MAML3: variants seen among roughly 807,000 people sequenced by gnomAD.
MAML3 encodes mastermind like transcriptional coactivator 3, also known as mastermind-like protein 3.
A neutral mutation model predicts 101.9 loss-of-function variants in MAML3; 27 were observed. The observed-to-expected ratio is 0.27, with a 90% CI of 0.20 to 0.37. The LOEUF (loss-of-function observed/expected upper bound fraction) is 0.37, where lower values mean the gene tolerates loss of function less well. MAML3 is among the 10% of genes least tolerant of loss of function. The probability of loss-of-function intolerance (pLI) is 1.00; values close to 1 mark genes in which losing one functional copy is unlikely to be tolerated. For missense variants in MAML3, 1,316 were observed against 1,444.9 expected (o/e 0.91, Z 1.45); for synonymous variants, 501 against 555.9 (o/e 0.90, Z 1.39).
chr4:139,756,251 G>A (rs115433025), intron 2 of MAML3, among the ~76,000 whole-genome samples: 267 of 152,258 alleles, frequency 1.8e-3, no homozygotes, highest in African/African-American at 5.2e-3. Context: ...TGAAAATGTT[G>A]ATGATTTTGA....
At chr4:140,064,688 A>G (rs1325935316) in intron 1 of MAML3, among the ~76,000 whole-genome samples, 2 of 152,152 alleles carry the variant, frequency 1.3e-5, no homozygotes, top group Non-Finnish European at 1.5e-5. Flanking sequence ...CCAATATTTA[A>G]CAGTAGAGTG....
At chr4:139,732,029 T>C (rs573748231) in intron 2 of MAML3, among the ~76,000 whole-genome samples, 8 of 152,246 alleles carry the variant, frequency 5.3e-5, no homozygotes, top group African/African-American at 1.7e-4. Context: ...AATGGAGGAG[T>C]TGACACAGAT....
chr4:139,860,602 T>TA (rs1002741562), intron 2 of MAML3, among the ~76,000 whole-genome samples: 3 of 152,228 alleles, frequency 2.0e-5, no homozygotes, highest in Non-Finnish European at 4.4e-5. Flanking sequence ...TGCACCCACT[T>TA]AGGCAGGGAC....
At chr4:139,896,674 C>T (rs553439479) in intron 1 of MAML3, among the ~76,000 whole-genome samples, 1 of 143,114 alleles carries the variant, frequency 7.0e-6, no homozygotes, top group South Asian at 2.2e-4. Flanking sequence ...GAAAGACAGA[C>T]AGTGAAACTG....
intron 2 of MAML3, among the ~76,000 whole-genome samples, chr4:139,871,149 TA>T (rs1406382843): frequency 6.6e-6 from 1 of 152,246 alleles, no homozygotes; most frequent in African/African-American, 2.4e-5. Flanking sequence ...GATGCTAGAC[TA>T]TACATTTTTT....
intron 2 of MAML3, among the ~76,000 whole-genome samples, chr4:139,830,659 C>T (rs1731148063): frequency 1.3e-5 from 2 of 151,990 alleles, no homozygotes. Context: ...CGTGATCCGC[C>T]CGCCTCGGCC....
intron 1 of MAML3, among the ~76,000 whole-genome samples, chr4:140,002,109 C>T (rs1734935195): frequency 6.6e-6 from 1 of 152,064 alleles, no homozygotes; most frequent in African/African-American, 2.4e-5. Context: ...GTATACAATA[C>T]ATTGTTAACT....
chr4:140,087,421 G>A (rs1727971345), intron 1 of MAML3, among the ~76,000 whole-genome samples: 1 of 152,194 alleles, frequency 6.6e-6, no homozygotes, highest in African/African-American at 2.4e-5. Flanking sequence ...AGTTTCACTG[G>A]AAATAATGCT....
At chr4:140,110,223 A>C (rs1728418892) in intron 1 of MAML3, among the ~76,000 whole-genome samples, 1 of 152,202 alleles carries the variant, frequency 6.6e-6, no homozygotes, top group Non-Finnish European at 1.5e-5. Context: ...TTTTTGGCCT[A>C]TTCTAAAGGC....
At chr4:140,092,348 G>A (rs759640289) in intron 1 of MAML3, among the ~76,000 whole-genome samples, 1 of 151,782 alleles carries the variant, frequency 6.6e-6, no homozygotes, top group African/African-American at 2.4e-5. Context: ...AATCCAAAAG[G>A]GGGAGTGGGA....
At chr4:139,765,914 G>A (rs1397014863) in intron 2 of MAML3, among the ~76,000 whole-genome samples, 1 of 152,058 alleles carries the variant, frequency 6.6e-6, no homozygotes, top group Admixed American at 6.5e-5. Context: ...TTGAGCCCAG[G>A]AGATCATGGC....
chr4:139,859,341 C>G (rs984342456), intron 2 of MAML3, among the ~76,000 whole-genome samples: 1 of 151,234 alleles, frequency 6.6e-6, no homozygotes, highest in Non-Finnish European at 1.5e-5. Flanking sequence ...ATCCTCCTGC[C>G]GGAGTAGCAT....
chr4:139,734,664 G>A (rs1338781208), intron 2 of MAML3, among the ~76,000 whole-genome samples: 1 of 152,216 alleles, frequency 6.6e-6, no homozygotes, highest in African/African-American at 2.4e-5. Flanking sequence ...GGCAGTTTTC[G>A]ACTTCAAAAA....
At chr4:140,003,905 G>A (rs1281883815) in intron 1 of MAML3, among the ~76,000 whole-genome samples, 1 of 152,226 alleles carries the variant, frequency 6.6e-6, no homozygotes, top group Non-Finnish European at 1.5e-5. Context: ...AAGTTTCTGT[G>A]TAAATTACAA....
chr4:140,115,902 A>G (rs1173682613), intron 1 of MAML3, among the ~76,000 whole-genome samples: 2 of 152,222 alleles, frequency 1.3e-5, no homozygotes. Context: ...GAAAATGTCT[A>G]TTTAAATATA....
rs574721915 is a variant in MAML3 at position 139,944,447 on chromosome 4, G to A, written c.469-53480C>T. Among the ~76,000 whole-genome samples, 54 of 151,828 alleles carry A rather than the reference G, an allele frequency of 3.6e-4. 1 individual carries two copies. Among genetic ancestry groups the A allele is most frequent in the African/African-American group, 1.3e-3 (52 of 41,352 alleles). The stretch of plus-strand genomic sequence containing the variant: ...ATGCAGTGTTTGGTTTTTTGTTCTT[G>A]CGATAGTTTACTGAGAATGATGATT... On this transcript the variant is annotated intron_variant, in intron 1 of 4. Transcript: ENST00000509479.
intron 1 of MAML3, among the ~76,000 whole-genome samples, chr4:140,118,892 C>T (rs778815151): frequency 9.9e-5 from 15 of 152,158 alleles, no homozygotes; most frequent in Admixed American, 2.6e-4. Flanking sequence ...AGGCCTCTGA[C>T]GGCACACACA....
chr4:140,069,246 G>A (rs1727588994), intron 1 of MAML3, among the ~76,000 whole-genome samples: 1 of 152,044 alleles, frequency 6.6e-6, no homozygotes, highest in African/African-American at 2.4e-5. Context: ...GCACTATGCA[G>A]GGGCTGGCTT....
rs76466041 is a variant in MAML3 at position 140,143,009 on chromosome 4, A to G, written c.468+9851T>C. 8.5e-3 allele frequency among the ~76,000 whole-genome samples: 1,301 copies of G among 152,338 alleles called. 18 individuals are homozygous for G. Among genetic ancestry groups the G allele is most frequent in the African/African-American group, 0.028 (1,162 of 41,578 alleles). On this transcript the variant is annotated intron_variant, in intron 1 of 4. Coordinates refer to ENST00000509479, the MANE Select transcript of MAML3 (RefSeq NM_018717.5). ...CTAATCCTCTCCTCTGCACAGTTTT[A>G]TTTGAAATGAATTTTGTTACAGAAA...
Sources: allele counts gnomAD v4.1 joint callset (sites outside exome capture counted in the v4.1 genomes callset), GRCh38; gene constraint gnomAD v4.1.1; transcripts MANE v1.5; gene names NCBI Gene and HGNC (gene_info 2026-07-23, HGNC 2026-07-21).